Variants in CCDC39 observed in about 807,000 individuals in gnomAD.
CCDC39 encodes the protein coiled-coil domain 39 molecular ruler complex subunit.
Under a neutral mutation model 121.0 loss-of-function variants are expected in CCDC39, and 113 were observed. That is an observed-to-expected ratio of 0.93 (90% CI 0.80 to 1.09). The LOEUF (loss-of-function observed/expected upper bound fraction) is 1.09, where lower values mean the gene tolerates loss of function less well. Ranked by LOEUF, CCDC39 falls within the 50% of genes least tolerant of loss-of-function variation. The pLI is 0.00. For missense variants in CCDC39, 1,063 were observed against 1,074.7 expected (o/e 0.99, Z 0.15); for synonymous variants, 349 against 352.2 (o/e 0.99, Z 0.10).
Position 180,614,951 on chromosome 3 carries a change from A to G in CCDC39, c.2796T>C (p.Ser932=). Residue 932 remains serine (S), a synonymous_variant, in exon 20 of 20, where the codon AGT becomes AGC. Coordinates refer to ENST00000476379, the MANE Select transcript of CCDC39 (RefSeq NM_181426.2). ...TGCTGCTCTTTTTGCTCTTAACATT[A>G]CTAGAGCTACTACTAGCACTAGATG... is the stretch of plus-strand genomic sequence containing the variant. The part of the protein sequence containing the change: ...SRPSSASSSS[S]NVKSKKSSK The G allele has an allele frequency of 4.5e-6, 7 of 1,566,162 alleles. No homozygotes were observed. The highest frequency in any genetic ancestry group is 6.1e-6 in the Non-Finnish European group (7 of 1,153,432).
intron 8 of CCDC39, among the ~76,000 whole-genome samples, chr3:180,651,930 A>G (rs950828564): frequency 1.4e-4 from 21 of 152,020 alleles, no homozygotes; most frequent in African/African-American, 3.4e-4. Context: ...CCAGCTACTC[A>G]GGAGACTGAG....
In CCDC39 at chr3:180,663,852, T is replaced by C; in HGVS notation, c.210+15A>G. 6.2e-7 allele frequency: 1 copy of C among 1,610,640 alleles called. No individual in the cohort carries two copies. Among genetic ancestry groups the C allele is most frequent in the Non-Finnish European group, 8.5e-7 (1 of 1,178,668 alleles). On this transcript the variant is annotated intron_variant, in intron 2 of 19. Coordinates refer to ENST00000476379, the MANE Select transcript of CCDC39 (RefSeq NM_181426.2). ...GACTACACGATATAATCAACATAAA[T>C]TTCAGTTACTGTACCTGTGTAATTG...
intron 16 of CCDC39, 121 bp downstream of exon 16, chr3:180,619,138 C>T: frequency 1.5e-6 from 1 of 646,004 alleles, no homozygotes; most frequent in Non-Finnish European, 2.7e-6. Context: ...TTACTATCTA[C>T]TTCCCTAAAA....
In CCDC39 at chr3:180,642,298, C is replaced by G; in HGVS notation, c.1666-97G>C. On this transcript the variant is annotated intron_variant, in intron 12 of 19. Coordinates refer to ENST00000476379, the MANE Select transcript of CCDC39 (RefSeq NM_181426.2). ...ATATAAGTAAAACTTGAAAATATAC[C>G]TTTTTCCAATTTAACCATTGACTAA... 3 of 614,402 alleles carry G rather than the reference C, an allele frequency of 4.9e-6. No homozygotes were observed. In the South Asian group the frequency reaches 9.2e-5, roughly 19 times the overall value. The allele number at this position is 614,402 out of a possible 1,614,324, so 38.1% of individuals were successfully genotyped here. A position where few individuals can be genotyped will look rare whatever the true frequency, so the allele number is the denominator to read the frequency against.
rs1370391130 is a variant in CCDC39, at chr3:180,661,976, T to C, written c.242A>G (p.Glu81Gly). The C allele has an allele frequency of 2.6e-6, 4 of 1,555,154 alleles. No homozygotes were observed. The highest frequency in any genetic ancestry group is 3.5e-6 in the Non-Finnish European group (4 of 1,148,408). The change falls in exon 3 of 20, where the codon GAA (glutamate) becomes GGA (glycine). Residue 81 changes from glutamate to glycine, a missense_variant. Glu to Gly is a moderately conservative substitution (Grantham distance 98). Transcript: ENST00000476379. ...SLCKARERET[E>G]SEEHFKAIAQ... ...AATGGCCTTAAAATGTTCTTCACTTTCAGTCTCACGCTCCCTTGCTTTGCA... is the reference window on the plus strand; with the variant it reads ...AATGGCCTTAAAATGTTCTTCACTTCCAGTCTCACGCTCCCTTGCTTTGCA...
At position 180,650,465 on chromosome 3, in the gene CCDC39, G is replaced by A. The variant is rs3860513; in HGVS notation, c.1167+936C>T. ...AACAAAGCCACTTTTTGAACTATTT[G>A]TATGCAATATACAAATAGATATATG... On this transcript the variant is annotated intron_variant, in intron 9 of 19. Transcript: ENST00000476379. 0.31 allele frequency among the ~76,000 whole-genome samples: 47,259 copies of A among 152,020 alleles called. 9,012 individuals are homozygous for A. The highest frequency in any genetic ancestry group is 0.54 in the African/African-American group (22,537 of 41,440).
rs1324302685 is a variant in CCDC39, at chr3:180,615,003, G to C, written c.2744C>G (p.Ser915Cys). ...CCTAGAAGGGCTGCCTACTAGTGAAGAGGAGGCCGGGAATTTAAGCTCCAG... is the reference window on the plus strand; with the variant it reads ...CCTAGAAGGGCTGCCTACTAGTGAACAGGAGGCCGGGAATTTAAGCTCCAG... Reference protein sequence around the residue: ...KVLELKFPASSSLVGSPSRPS... With the variant: ...KVLELKFPASCSLVGSPSRPS... The change falls in exon 20 of 20, where the codon TCT becomes TGT. Residue 915 changes from serine to cysteine, a missense_variant. Transcript: ENST00000476379. 5 of 1,561,502 alleles carry C rather than the reference G, an allele frequency of 3.2e-6. No individual in the cohort carries two copies. In the East Asian group the frequency reaches 9.4e-5, roughly 29 times the overall value.
chr3:180,615,003 G>T lies in CCDC39; in HGVS notation c.2744C>A (p.Ser915Tyr). ...KVLELKFPASSSLVGSPSRPS... is the reference protein window; with the variant it reads ...KVLELKFPASYSLVGSPSRPS... ...CCTAGAAGGGCTGCCTACTAGTGAA[G>T]AGGAGGCCGGGAATTTAAGCTCCAG... The change falls in exon 20 of 20, where the codon TCT (serine) becomes TAT (tyrosine). Residue 915 changes from serine (S) to tyrosine (Y), a missense_variant. By Grantham distance (144) the Ser-to-Tyr change is moderately radical. Coordinates refer to ENST00000476379, the MANE Select transcript of CCDC39 (RefSeq NM_181426.2). 6.4e-7 allele frequency: 1 copy of T among 1,561,502 alleles called. No individual in the cohort carries two copies. Among genetic ancestry groups the T allele is most frequent in the East Asian group, 2.3e-5 (1 of 42,686 alleles).
intron 6 of CCDC39, among the ~76,000 whole-genome samples, chr3:180,656,075 G>A (rs1711569896): frequency 6.6e-6 from 1 of 152,088 alleles, no homozygotes; most frequent in African/African-American, 2.4e-5. Context: ...TTTTAAAAAG[G>A]AAATTTTAAA....
At chr3:180,621,511 A>G (rs1428507543) in intron 14 of CCDC39, among the ~76,000 whole-genome samples, 1 of 151,880 alleles carries the variant, frequency 6.6e-6, no homozygotes, top group Non-Finnish European at 1.5e-5. Flanking sequence ...GCATTTTTTC[A>G]TATTCTTCTT....
At chr3:180,640,777 T>A (rs1401634113) in intron 13 of CCDC39, among the ~76,000 whole-genome samples, 5 of 152,034 alleles carry the variant, frequency 3.3e-5, no homozygotes, top group Non-Finnish European at 7.4e-5. Context: ...TATAAACCAA[T>A]AGTTGAAAAT....
At position 180,614,709 on chromosome 3, in the gene CCDC39, GTAGC is replaced by G; in HGVS notation, c.*208_*211del. 1 of 476,130 alleles carries G rather than the reference GTAGC, an allele frequency of 2.1e-6. No individual in the cohort carries two copies. 29.5% of individuals were successfully genotyped at this position (476,130 alleles called of 1,614,324 possible). On this transcript the variant is annotated 3_prime_UTR_variant, in exon 20 of 20. Transcript: ENST00000476379. ...CATTTTTCCTATGCTTGTATAACAT[GTAGC>G]CTTGTCAAGAATCTGCTATTAATTT...
At chr3:180,642,770 A>C (rs1717985892) in intron 12 of CCDC39, among the ~76,000 whole-genome samples, 1 of 152,140 alleles carries the variant, frequency 6.6e-6, no homozygotes, top group African/African-American at 2.4e-5. Context: ...AAGAGATGAA[A>C]TCAACGTAAC....
chr3:180,677,168 T>TTTTATATATA (rs373676653), intron 1 of CCDC39, among the ~76,000 whole-genome samples: 5 of 35,176 alleles, frequency 1.4e-4, no homozygotes, highest in South Asian at 1.2e-3. Flanking sequence ...AATAATAATT[T>TTTTATATATA]TATATATATA....
At chr3:180,648,499 A>G (rs1718125963) in intron 9 of CCDC39, 140 bp from the exon 10 acceptor site, 1 of 545,562 alleles carries the variant, frequency 1.8e-6, no homozygotes, top group Non-Finnish European at 3.0e-6. Flanking sequence ...TCTTCCCACA[A>G]TTTTAACAAG....
chr3:180,664,453 T>C (rs1711821901), intron 1 of CCDC39, among the ~76,000 whole-genome samples: 1 of 152,194 alleles, frequency 6.6e-6, no homozygotes, highest in African/African-American at 2.4e-5. Context: ...ATTAAAAACA[T>C]AGCATTTTGT....
At chr3:180,623,711 C>T (rs1717487816) in intron 14 of CCDC39, among the ~76,000 whole-genome samples, 1 of 152,050 alleles carries the variant, frequency 6.6e-6, no homozygotes, top group African/African-American at 2.4e-5. Flanking sequence ...TCTTTGTTAA[C>T]CCAGTGATCA....
rs530576928 is a variant in CCDC39, at chr3:180,647,985, A to C, written c.1362+180T>G. On this transcript the variant is annotated intron_variant, in intron 10 of 19. Transcript: ENST00000476379. The stretch of plus-strand genomic sequence containing the variant: ...GCCTGTTTATTTCAGATTGAGGGGA[A>C]AAAATAGTTTTTAAGGCTCCCTCAC... Among the ~76,000 whole-genome samples, 8 of 152,208 alleles carry C rather than the reference A, an allele frequency of 5.3e-5. No homozygotes were observed. In the South Asian group the frequency reaches 1.7e-3, roughly 32 times the overall value.
intron 14 of CCDC39, among the ~76,000 whole-genome samples, chr3:180,627,472 T>A (rs550557790): frequency 1.3e-5 from 2 of 152,324 alleles, no homozygotes; most frequent in South Asian, 4.1e-4. Flanking sequence ...ATTCCTGATA[T>A]AATTCCATGT....
Sources: allele counts gnomAD v4.1 joint callset (sites outside exome capture counted in the v4.1 genomes callset), GRCh38; gene constraint gnomAD v4.1.1; transcripts MANE v1.5; gene names NCBI Gene and HGNC (gene_info 2026-07-23, HGNC 2026-07-21).